CNNM1: variants seen among roughly 807,000 people sequenced by gnomAD.
CNNM1 encodes the protein cyclin and CBS domain divalent metal cation transport mediator 1.
In CNNM1, 44 loss-of-function variants were observed where a neutral mutation model predicts 78.8. The observed-to-expected ratio is 0.56, with a 90% confidence interval of 0.44 to 0.72. CNNM1 has a LOEUF of 0.72. Among genes scored for constraint, CNNM1 ranks in the 30% least tolerant of loss-of-function variants. The pLI, the probability that CNNM1 is intolerant of heterozygous loss-of-function variation, is 0.00. For missense variants in CNNM1, 1,101 were observed against 1,292.2 expected (o/e 0.85, Z 2.27); for synonymous variants, 584 against 581.5 (o/e 1.00, Z -0.06).
chr10:99,333,893 T>C lies in CNNM1; in HGVS notation c.1573+2933T>C, dbSNP rs77866308. ...TAAACCTGGTCGAAAAAAGCTCCTT[T>C]AGTGTTCTATTAATAGCTACTTTGT... On this transcript the variant is annotated intron_variant, in intron 1 of 10. Coordinates refer to ENST00000356713, the MANE Select transcript of CNNM1 (RefSeq NM_020348.3). Among the ~76,000 whole-genome samples the C allele has an allele frequency of 3.1e-3, 469 of 152,346 alleles. 2 individuals carry two copies. The highest frequency in any genetic ancestry group is 0.025 in the East Asian group (129 of 5,190).
At chr10:99,347,806 C>T (rs2030765059) in intron 1 of CNNM1, among the ~76,000 whole-genome samples, 1 of 150,584 alleles carries the variant, frequency 6.6e-6, no homozygotes, top group Non-Finnish European at 1.5e-5. Flanking sequence ...CAATGCATGA[C>T]CTTTACACCC....
At chr10:99,355,045 G>A (rs765457532) in intron 1 of CNNM1, among the ~76,000 whole-genome samples, 1 of 152,138 alleles carries the variant, frequency 6.6e-6, no homozygotes, top group Non-Finnish European at 1.5e-5. Context: ...AAAACTCCAA[G>A]GGGTAGCTAT....
At chr10:99,335,988 A>AACTACTATACAC (rs2030163068) in intron 1 of CNNM1, among the ~76,000 whole-genome samples, 1 of 152,200 alleles carries the variant, frequency 6.6e-6, no homozygotes, top group Non-Finnish European at 1.5e-5. Context: ...ATACTTCCTT[A>AACTACTATACAC]GAGGCCTCTC....
chr10:99,376,267 G>T (rs2031959302), intron 6 of CNNM1, among the ~76,000 whole-genome samples: 1 of 152,160 alleles, frequency 6.6e-6, no homozygotes, highest in South Asian at 2.1e-4. Flanking sequence ...AATCCTAAGG[G>T]ACCAGGGGTC....
chr10:99,355,360 C>A (rs778355428), intron 1 of CNNM1, among the ~76,000 whole-genome samples: 1 of 152,072 alleles, frequency 6.6e-6, no homozygotes, highest in Admixed American at 6.5e-5. Flanking sequence ...CACAACATGG[C>A]ACATGTATAC....
rs1313881956 is a variant in CNNM1 at position 99,329,982 on chromosome 10, G to A, written c.595G>A (p.Ala199Thr). 4 of 1,388,656 alleles carry A rather than the reference G, an allele frequency of 2.9e-6. No homozygotes were observed. The highest frequency in any genetic ancestry group is 3.8e-5 in the Admixed American group (1 of 26,508). 86.0% of individuals were successfully genotyped at this position (1,388,656 alleles called of 1,614,324 possible). A position where few individuals can be genotyped will look rare whatever the true frequency, so the allele number is the denominator to read the frequency against. Residue 199 changes from alanine (A) to threonine (T), a missense_variant, in exon 1 of 11, where the codon GCC (alanine) becomes ACC (threonine). Around this residue, in one of 3 missense-constraint regions of CNNM1, gnomAD observed 476 missense variants for 484.5 expected, o/e 0.98. Coordinates refer to ENST00000356713, the MANE Select transcript of CNNM1 (RefSeq NM_020348.3). ...WDGRAWHHHGAAGGFLLRVRP... is the reference protein window; with the variant it reads ...WDGRAWHHHGTAGGFLLRVRP... ...TGGGCGCGCGTGGCACCACCACGGC[G>A]CCGCCGGCGGCTTCCTGCTGCGCGT...
chr10:99,357,767 G>C, intron 2 of CNNM1, 112 bp downstream of exon 2: 2 of 1,067,260 alleles, frequency 1.9e-6, no homozygotes, highest in Non-Finnish European at 2.5e-6. Flanking sequence ...CCTGTGCCCT[G>C]ATGTGTGTCA....
At position 99,330,173 on chromosome 10, in the gene CNNM1, G is replaced by T. The variant is rs1431402808; in HGVS notation, c.786G>T (p.Ser262=). ...VELRVLRNSG[S]AAEQEQARRV... ...TACGGGTGCTGCGGAACAGCGGCTC[G>T]GCCGCCGAGCAGGAGCAGGCGCGCC... is the stretch of plus-strand genomic sequence containing the variant. Residue 262 remains serine, a synonymous_variant, in exon 1 of 11, where the codon TCG becomes TCT. Coordinates refer to ENST00000356713, the MANE Select transcript of CNNM1 (RefSeq NM_020348.3). 3 of 1,520,834 alleles carry T rather than the reference G, an allele frequency of 2.0e-6. No homozygotes were observed. The highest frequency in any genetic ancestry group is 4.9e-5 in the East Asian group (2 of 40,564). 94.2% of individuals were successfully genotyped at this position (1,520,834 alleles called of 1,614,324 possible). A position where few individuals can be genotyped will look rare whatever the true frequency, so the allele number is the denominator to read the frequency against.
chr10:99,347,444 C>T (rs926855796), intron 1 of CNNM1, among the ~76,000 whole-genome samples: 17 of 151,776 alleles, frequency 1.1e-4, no homozygotes, highest in African/African-American at 4.1e-4. Flanking sequence ...CGCTTGAACC[C>T]GGGAGGCGGA....
chr10:99,345,216 A>C (rs541857354), intron 1 of CNNM1, among the ~76,000 whole-genome samples: 1 of 152,308 alleles, frequency 6.6e-6, no homozygotes, highest in East Asian at 1.9e-4. Flanking sequence ...ATATGCACCC[A>C]ATGTACAGTA....
chr10:99,375,345 T>G (rs892932063), intron 6 of CNNM1, among the ~76,000 whole-genome samples: 2 of 152,104 alleles, frequency 1.3e-5, no homozygotes, highest in Non-Finnish European at 2.9e-5. Context: ...AGCTGGGATT[T>G]GAGTGGAGAC....
intron 7 of CNNM1, among the ~76,000 whole-genome samples, chr10:99,380,510 G>A (rs2032108224): frequency 6.6e-6 from 1 of 152,166 alleles, no homozygotes; most frequent in Non-Finnish European, 1.5e-5. Flanking sequence ...TTGCCGATGG[G>A]CTGGGTGCGG....
Position 99,364,513 on chromosome 10 carries a change from T to C in CNNM1, c.2125T>C (p.Ser709Pro). The change falls in exon 5 of 11, where the codon TCA becomes CCA. Residue 709 changes from serine (S) to proline (P), a missense_variant. Ser to Pro is a moderately conservative substitution (Grantham distance 74). Transcript: ENST00000356713. ...CCCAGCCATCATGACCACTGCTTGC[T>C]CAGGTATTCTAGTTTCCATTTGTTT... ...GVPAIMTTAC[S>P]DNDVRKVGSL... 6.2e-7 allele frequency: 1 copy of C among 1,608,374 alleles called. No homozygotes were observed. Among genetic ancestry groups the C allele is most frequent in the East Asian group, 2.2e-5 (1 of 44,772 alleles).
At chr10:99,344,194 T>C (rs1230048011) in intron 1 of CNNM1, among the ~76,000 whole-genome samples, 2 of 151,594 alleles carry the variant, frequency 1.3e-5, no homozygotes, top group Non-Finnish European at 2.9e-5. Flanking sequence ...TAGCTGGGCA[T>C]GATGGCGGGT....
rs2031564258 is a variant in CNNM1 at position 99,364,978 on chromosome 10, A to C, written c.2152A>C (p.Ser718Arg). ...CSDNDVRKVG[S>R]LAGSSVFLNR... ...AGATAATGACGTGCGGAAGGTTGGA[A>C]GTCTGGCTGGATCTTCTGTCTTTCG... The change falls in exon 6 of 11, where the codon AGT becomes CGT. Residue 718 changes from serine to arginine, a missense_variant. Physicochemically the swap from Ser to Arg is moderately radical, Grantham distance 110 (BLOSUM62 -1). Transcript: ENST00000356713. The C allele has an allele frequency of 1.2e-5, 19 of 1,613,904 alleles. No homozygotes were observed. Among genetic ancestry groups the C allele is most frequent in the Non-Finnish European group, 1.6e-5 (19 of 1,179,854 alleles).
Position 99,362,652 on chromosome 10 carries a change from A to T in CNNM1, c.2028+256A>T, listed in dbSNP as rs552460597. ...TTGGGGTGGGTTGAATACCTCTCCA[A>T]TAGAGGGGTTCTGCATCTAAACTTC... is the stretch of plus-strand genomic sequence containing the variant. On this transcript the variant is annotated intron_variant, in intron 4 of 10. Transcript: ENST00000356713. Among the ~76,000 whole-genome samples the T allele has an allele frequency of 4.6e-5, 7 of 152,314 alleles. No individual in the cohort carries two copies. The South Asian group carries it at 1.2e-3, about 27-fold the overall frequency.
intron 9 of CNNM1, among the ~76,000 whole-genome samples, chr10:99,388,920 G>A (rs981590776): frequency 6.6e-6 from 1 of 152,090 alleles, no homozygotes; most frequent in Admixed American, 6.6e-5. Context: ...CTTGACAGTG[G>A]TGTTGCTCTG....
At chr10:99,374,114 G>GT (rs1190849196) in intron 6 of CNNM1, among the ~76,000 whole-genome samples, 2 of 152,184 alleles carry the variant, frequency 1.3e-5, no homozygotes, top group Non-Finnish European at 2.9e-5. Flanking sequence ...TTGAATGGTA[G>GT]TTATATTTTT....
At chr10:99,371,684 C>T (rs2031808519) in intron 6 of CNNM1, among the ~76,000 whole-genome samples, 2 of 152,070 alleles carry the variant, frequency 1.3e-5, no homozygotes, top group Admixed American at 1.3e-4. Flanking sequence ...CATTAAAGCT[C>T]CGTGTAAAGT....
Sources: gnomAD v4.1 joint callset for allele counts (sites outside exome capture counted in the v4.1 genomes callset) on GRCh38, gnomAD v4.1.1 for gene constraint, gnomAD v4.1.1 regional missense constraint, MANE v1.5 for transcripts, NCBI Gene and HGNC (gene_info 2026-07-23, HGNC 2026-07-21) for gene names.